PHACTR2: variants seen among roughly 807,000 people sequenced by gnomAD.
PHACTR2 encodes chromosome 6 open reading frame 56.
PHACTR2 carries 30 observed loss-of-function variants against 76.0 expected under a neutral mutation model. The ratio of observed to expected loss-of-function variants is 0.39; its 90% CI spans 0.30 to 0.54. The LOEUF (loss-of-function observed/expected upper bound fraction) is 0.54, where lower values mean the gene tolerates loss of function less well. Ranked by LOEUF, PHACTR2 falls within the 20% of genes least tolerant of loss-of-function variation. PHACTR2 has a pLI of 0.61. For synonymous variants in PHACTR2, 292 were observed against 292.5 expected (o/e 1.00, Z 0.02); for missense variants, 696 against 781.1 (o/e 0.89, Z 1.30).
rs547646472 is a variant in PHACTR2, at chr6:143,613,394, A to G, written c.13+5072A>G. Among the ~76,000 whole-genome samples the G allele has an allele frequency of 2.6e-5, 4 of 152,372 alleles. No individual in the cohort carries two copies. In the South Asian group the frequency reaches 6.2e-4, roughly 24 times the overall value. On this transcript the variant is annotated intron_variant, in intron 1 of 11. Transcript: ENST00000305766. ...AACTGTTTTAAAATAAAAATGCCAA[A>G]AGGAAAAATCAGTTCATATATAAAC...
Position 143,760,692 on chromosome 6 carries a change from G to T in PHACTR2, c.694+52G>T. ...GGTCACTTCTAGGGTGCTTGGCTCT[G>T]GGATGGGGCTAATTGTTTCTTCTAG... On this transcript the variant is annotated intron_variant, in intron 5 of 12. Transcript: ENST00000440869. The surrounding 1 kb of genome is among the most constrained non-coding windows in gnomAD (Gnocchi z 6.4). 3.2e-6 allele frequency: 5 copies of T among 1,585,790 alleles called. No homozygotes were observed. Among genetic ancestry groups the T allele is most frequent in the Non-Finnish European group, 3.4e-6 (4 of 1,165,856 alleles).
chr6:143,739,474 C>A lies in PHACTR2; in HGVS notation c.215-9511C>A, dbSNP rs537048379. On this transcript the variant is annotated intron_variant, in intron 2 of 12. Transcript: ENST00000440869. The surrounding 1 kb of genome is among the most constrained non-coding windows in gnomAD (Gnocchi z 4.3). ...TTCGTATTTCAAACATTGGTCCCCT[C>A]TGTGGTGTCACTGTGTCTTAGGTTT... Among the ~76,000 whole-genome samples, 3 of 152,286 alleles carry A rather than the reference C, an allele frequency of 2.0e-5. No homozygotes were observed. The highest frequency in any genetic ancestry group is 7.2e-5 in the African/African-American group (3 of 41,558).
chr6:143,734,424 A>C (rs539800177), intron 2 of PHACTR2, among the ~76,000 whole-genome samples: 4 of 152,340 alleles, frequency 2.6e-5, no homozygotes, highest in Non-Finnish European at 5.9e-5. Flanking sequence ...AATGGGTTGC[A>C]CCATAGACCT....
In PHACTR2 at chr6:143,780,597, T is replaced by C. The variant is rs1044437747; in HGVS notation, c.1646-2622T>C. The stretch of plus-strand genomic sequence containing the variant: ...ACTCCAATTGCTGGTATTTTTATAC[T>C]TTTCTTTCTTCTTTTAGCTCATCCA... On this transcript the variant is annotated intron_variant, in intron 9 of 12. Transcript: ENST00000440869. This position sits in a 1 kb window ranked among gnomAD's most constrained non-coding sequence, Gnocchi z 4.4. 1.3e-5 allele frequency among the ~76,000 whole-genome samples: 2 copies of C among 152,278 alleles called. No individual in the cohort carries two copies. The highest frequency in any genetic ancestry group is 4.1e-4 in the South Asian group (2 of 4,834).
chr6:143,753,527 C>T lies in PHACTR2; in HGVS notation c.296-227C>T, dbSNP rs1013253328. Among the ~76,000 whole-genome samples the T allele has an allele frequency of 2.0e-5, 3 of 152,132 alleles. No individual in the cohort carries two copies. The highest frequency in any genetic ancestry group is 4.8e-5 in the African/African-American group (2 of 41,440). On this transcript the variant is annotated intron_variant, in intron 3 of 12. Transcript: ENST00000440869. This position sits in a 1 kb window ranked among gnomAD's most constrained non-coding sequence, Gnocchi z 4.6. Reference sequence around the variant, plus strand: ...ATATTGGATAATTAGGATGATCATTCCTGTTGTCTTGAAATGGCGCATAGA... The same window carrying T: ...ATATTGGATAATTAGGATGATCATTTCTGTTGTCTTGAAATGGCGCATAGA...
rs1775953483 is a variant in PHACTR2, at chr6:143,610,162, AT to A, written c.13+1846del. Among the ~76,000 whole-genome samples the A allele has an allele frequency of 6.6e-6, 1 of 152,112 alleles. No individual in the cohort carries two copies. Among genetic ancestry groups the A allele is most frequent in the Non-Finnish European group, 1.5e-5 (1 of 68,030 alleles). The stretch of plus-strand genomic sequence containing the variant: ...CTGTCAGTGATCACTTTTCATGGTA[AT>A]TTTTTGATGAGGTAAGCAGCCTCTC... On this transcript the variant is annotated intron_variant, in intron 1 of 11. Coordinates refer to the PHACTR2 transcript ENST00000305766. This position sits in a 1 kb window ranked among gnomAD's most constrained non-coding sequence, Gnocchi z 4.9.
chr6:143,600,044 C>A (rs73003378), intron 1 of PHACTR2, among the ~76,000 whole-genome samples: 8,373 of 152,328 alleles, frequency 0.055, 351 homozygotes, highest in Non-Finnish European at 0.082. Flanking sequence ...AGTAGTCTGA[C>A]CCTTTCTTAA....
chr6:143,713,485 A>G (rs1778229838), intron 2 of PHACTR2, among the ~76,000 whole-genome samples: 1 of 152,206 alleles, frequency 6.6e-6, no homozygotes, highest in Admixed American at 6.5e-5. Context: ...AACTTGGCTT[A>G]AGGGAAAATA....
chr6:143,595,926 C>G lies in PHACTR2; in HGVS notation c.217+58719C>G, dbSNP rs1476244716. On this transcript the variant is annotated intron_variant, in intron 1 of 11. Coordinates refer to the PHACTR2 transcript ENST00000367584. This position sits in a 1 kb window ranked among gnomAD's most constrained non-coding sequence, Gnocchi z 4.2. ...GTTGGGTGGGTTATAGGTAGCGTCACTTAGGGAAAAGTTTGTTCCTTTTTA... is the reference window on the plus strand; with the variant it reads ...GTTGGGTGGGTTATAGGTAGCGTCAGTTAGGGAAAAGTTTGTTCCTTTTTA... 6.6e-6 allele frequency among the ~76,000 whole-genome samples: 1 copy of G among 152,146 alleles called. No individual in the cohort carries two copies. Among genetic ancestry groups the G allele is most frequent in the Non-Finnish European group, 1.5e-5 (1 of 68,024 alleles).
At chr6:143,746,345 A>G (rs575163336) in intron 2 of PHACTR2, among the ~76,000 whole-genome samples, 1 of 152,218 alleles carries the variant, frequency 6.6e-6, no homozygotes. Flanking sequence ...GGGCAATTTT[A>G]AAGAAGCAGC....
chr6:143,790,965 T>C (rs1472860838), intron 11 of PHACTR2, among the ~76,000 whole-genome samples: 5 of 152,282 alleles, frequency 3.3e-5, no homozygotes, highest in East Asian at 1.9e-4. Flanking sequence ...GCGTGAGCCA[T>C]GGCGCCCGGC....
In PHACTR2 at chr6:143,537,990, G is replaced by T. The variant is rs989874234; in HGVS notation, c.217+783G>T. ...GCCGCCGAGGCGGCGCATGCCTGTA[G>T]TCCTAGCTACTCAGGAGGCTGAGGC... On this transcript the variant is annotated intron_variant, in intron 1 of 11. Coordinates refer to the PHACTR2 transcript ENST00000367584. The surrounding 1 kb of genome is among the most constrained non-coding windows in gnomAD (Gnocchi z 4.4). Among the ~76,000 whole-genome samples, 3 of 152,208 alleles carry T rather than the reference G, an allele frequency of 2.0e-5. No individual in the cohort carries two copies. The highest frequency in any genetic ancestry group is 6.5e-5 in the Admixed American group (1 of 15,290).
chr6:143,760,388 T>C lies in PHACTR2; in HGVS notation c.455-13T>C. On this transcript the variant is annotated splice_polypyrimidine_tract_variant and intron_variant, in intron 4 of 12. Transcript: ENST00000440869. This position sits in a 1 kb window ranked among gnomAD's most constrained non-coding sequence, Gnocchi z 6.4. ...CTGTATCAGTCTGCTTCTGTTCACT[T>C]TCTCGTTTATAGAGAACACTGAAAA... 3.1e-6 allele frequency: 5 copies of C among 1,598,692 alleles called. No homozygotes were observed. The highest frequency in any genetic ancestry group is 4.3e-6 in the Non-Finnish European group (5 of 1,172,238).
At chr6:143,538,678 G>C (rs1781142091) in intron 1 of PHACTR2, among the ~76,000 whole-genome samples, 1 of 152,180 alleles carries the variant, frequency 6.6e-6, no homozygotes, top group South Asian at 2.1e-4. Context: ...ACATTTCCAT[G>C]CCTCTGACTC....
Position 143,757,639 on chromosome 6 carries a change from C to A in PHACTR2, c.455-2762C>A, listed in dbSNP as rs1727603223. Among the ~76,000 whole-genome samples the A allele has an allele frequency of 6.6e-6, 1 of 152,188 alleles. No homozygotes were observed. Among genetic ancestry groups the A allele is most frequent in the Admixed American group, 6.5e-5 (1 of 15,282 alleles). On this transcript the variant is annotated intron_variant, in intron 4 of 12. Transcript: ENST00000440869. This position sits in a 1 kb window ranked among gnomAD's most constrained non-coding sequence, Gnocchi z 4.2. The stretch of plus-strand genomic sequence containing the variant: ...TTATCAAGCCAGAATGACGAGGCAG[C>A]CCTTTCTCAACCTTCTCTTGAAGTG...
Position 143,775,346 on chromosome 6 carries a change from C to G in PHACTR2, c.1589+1131C>G, listed in dbSNP as rs1042838195. On this transcript the variant is annotated intron_variant, in intron 8 of 12. Transcript: ENST00000440869. The surrounding 1 kb of genome is among the most constrained non-coding windows in gnomAD (Gnocchi z 4.4). ...GTTTACCAGTGGTCTCTCTCGCTCT[C>G]GTCTTCTTAATTCAGCCCTAACCTG... is the stretch of plus-strand genomic sequence containing the variant. 1.3e-5 allele frequency among the ~76,000 whole-genome samples: 2 copies of G among 152,308 alleles called. No homozygotes were observed. Among genetic ancestry groups the G allele is most frequent in the Admixed American group, 1.3e-4 (2 of 15,296 alleles).
At chr6:143,724,976 T>C (rs951459123) in intron 2 of PHACTR2, among the ~76,000 whole-genome samples, 17 of 152,190 alleles carry the variant, frequency 1.1e-4, no homozygotes, top group African/African-American at 4.1e-4. Flanking sequence ...AAAGGTACCA[T>C]GAACAAGTTC....
At chr6:143,607,116 T>C (rs1775886934), upstream of PHACTR2, among the ~76,000 whole-genome samples, 1 of 152,196 alleles carries the variant, frequency 6.6e-6, no homozygotes, top group Non-Finnish European at 1.5e-5. Context: ...AAATGCTTAA[T>C]AAACAAATTG....
chr6:143,710,904 C>A lies in PHACTR2; in HGVS notation c.47-1112C>A. On this transcript the variant is annotated intron_variant, in intron 1 of 12. Coordinates refer to ENST00000440869, the MANE Select transcript of PHACTR2 (RefSeq NM_001100164.2). The surrounding 1 kb of genome is among the most constrained non-coding windows in gnomAD (Gnocchi z 4.9). ...CATTTTGCTATATTTTACTTTATTG[C>A]ACTTTTATCCATCTGCCTTTTCCAT... 2.5e-6 allele frequency: 1 copy of A among 407,046 alleles called. No individual in the cohort carries two copies. Among genetic ancestry groups the A allele is most frequent in the Non-Finnish European group, 4.7e-6 (1 of 213,258 alleles). 25.2% of individuals were successfully genotyped at this position (407,046 alleles called of 1,614,324 possible). A position where few individuals can be genotyped will look rare whatever the true frequency, so the allele number is the denominator to read the frequency against.
Sources: gnomAD v4.1 joint callset for allele counts (sites outside exome capture counted in the v4.1 genomes callset) on GRCh38, gnomAD v4.1.1 for gene constraint, Gnocchi (gnomAD v3.1) non-coding constraint, MANE v1.5 for transcripts, NCBI Gene and HGNC (gene_info 2026-07-23, HGNC 2026-07-21) for gene names.